Variants in ILRUN observed in about 807,000 individuals in gnomAD.
ILRUN encodes inflammation and lipid regulator with UBA-like and NBR1-like domains.
Under a neutral mutation model 33.8 loss-of-function variants are expected in ILRUN, and 3 were observed. The ratio of observed to expected loss-of-function variants is 0.09; its 90% CI spans 0.04 to 0.23. The LOEUF (loss-of-function observed/expected upper bound fraction) is 0.23. Among genes scored for constraint, ILRUN ranks in the 10% least tolerant of loss-of-function variants. The pLI is 1.00. For missense variants in ILRUN, 210 were observed against 375.1 expected (o/e 0.56, Z 3.64); for synonymous variants, 124 against 138.9 (o/e 0.89, Z 0.75).
chr6:34,651,115 C>T (rs886473055), intron 2 of ILRUN, among the ~76,000 whole-genome samples: 1 of 152,104 alleles, frequency 6.6e-6, no homozygotes, highest in Non-Finnish European at 1.5e-5. Context: ...TACTCAGTAA[C>T]GGGTGGCCAG....
chr6:34,641,827 A>C (rs1762480486), intron 3 of ILRUN, among the ~76,000 whole-genome samples: 1 of 152,212 alleles, frequency 6.6e-6, no homozygotes, highest in Non-Finnish European at 1.5e-5. Flanking sequence ...AAGCATCTTC[A>C]AAAAGTTCAT....
chr6:34,683,129 TATAC>T (rs1357679844), intron 1 of ILRUN, among the ~76,000 whole-genome samples: 2 of 148,538 alleles, frequency 1.3e-5, no homozygotes, highest in Non-Finnish European at 3.0e-5. Flanking sequence ...AAAATATATA[TATAC>T]ACACACACAC....
intron 1 of ILRUN, among the ~76,000 whole-genome samples, chr6:34,669,543 A>G (rs1763074437): frequency 6.6e-6 from 1 of 152,202 alleles, no homozygotes; most frequent in Non-Finnish European, 1.5e-5. Flanking sequence ...CACAACTTGT[A>G]CATTGGTCTC....
At position 34,587,925 on chromosome 6, in the gene ILRUN, A is replaced by T. The variant is rs994429767; in HGVS notation, c.*2640T>A. The T allele has an allele frequency of 2.3e-5, 9 of 397,158 alleles. No homozygotes were observed. The highest frequency in any genetic ancestry group is 3.5e-5 in the Non-Finnish European group (8 of 225,810). The allele number at this position is 397,158 out of a possible 1,614,324, so 24.6% of individuals were successfully genotyped here. On this transcript the variant is annotated 3_prime_UTR_variant, in exon 5 of 5. Transcript: ENST00000374023. Reference sequence around the variant, plus strand: ...GTGTCTGCCTCACCTCCTGGGTGCCAGACGCAGGTGGTCCTGCCCAGAGGT... The same window carrying T: ...GTGTCTGCCTCACCTCCTGGGTGCCTGACGCAGGTGGTCCTGCCCAGAGGT...
intron 1 of ILRUN, among the ~76,000 whole-genome samples, 177 bp from the exon 2 acceptor site, chr6:34,654,956 A>G (rs955429799): frequency 1.7e-4 from 26 of 152,202 alleles, no homozygotes; most frequent in African/African-American, 5.3e-4. Flanking sequence ...CACCAGGACC[A>G]ACAAATTTGT....
chr6:34,616,373 GCAGT>G (rs1017289172), intron 3 of ILRUN, among the ~76,000 whole-genome samples: 9 of 152,200 alleles, frequency 5.9e-5, no homozygotes, highest in African/African-American at 2.2e-4. Context: ...GGGTCTGGCT[GCAGT>G]CAGCTGCTGA....
chr6:34,688,546 C>T (rs1382092618), intron 1 of ILRUN, among the ~76,000 whole-genome samples: 1 of 152,132 alleles, frequency 6.6e-6, no homozygotes, highest in East Asian at 1.9e-4. Context: ...GGCACAGTGG[C>T]TCATGCCTGT....
intron 3 of ILRUN, among the ~76,000 whole-genome samples, chr6:34,625,846 C>CTTTT (rs58219612): frequency 1.2e-4 from 14 of 114,238 alleles, no homozygotes; most frequent in South Asian, 2.7e-4. Flanking sequence ...TATTGAAAGG[C>CTTTT]TTTTTTTTTT....
At position 34,678,836 on chromosome 6, in the gene ILRUN, CAAAAAAA is replaced by C. The variant is rs767799882; in HGVS notation, c.158+17603_158+17609del. The stretch of plus-strand genomic sequence containing the variant: ...CGCCACTGTACTCCAGACTCCGTCT[CAAAAAAA>C]AAAAAAAAAAAAAAAAGAAAGAAAG... On this transcript the variant is annotated intron_variant, in intron 1 of 4. Coordinates refer to ENST00000374023, the MANE Select transcript of ILRUN (RefSeq NM_024294.4). Among the ~76,000 whole-genome samples the C allele has an allele frequency of 7.9e-4, 38 of 47,880 alleles. No homozygotes were observed. In the East Asian group the frequency reaches 0.018, roughly 23 times the overall value. 31.4% of individuals were successfully genotyped at this position (47,880 alleles called of 152,430 possible).
At chr6:34,658,309 A>G (rs2127368383) in intron 1 of ILRUN, among the ~76,000 whole-genome samples, 1 of 150,730 alleles carries the variant, frequency 6.6e-6, no homozygotes, top group East Asian at 2.0e-4. Context: ...GTGCCACTGC[A>G]CTCACTCTGA....
chr6:34,656,354 G>C (rs1323590804), intron 1 of ILRUN, among the ~76,000 whole-genome samples: 5 of 151,876 alleles, frequency 3.3e-5, no homozygotes, highest in African/African-American at 1.2e-4. Flanking sequence ...GAACTACGAA[G>C]CACCTAAGCC....
At chr6:34,630,625 G>A (rs1021971929) in intron 3 of ILRUN, among the ~76,000 whole-genome samples, 4 of 152,070 alleles carry the variant, frequency 2.6e-5, no homozygotes, top group East Asian at 3.8e-4. Context: ...CTCGTGATCC[G>A]CCCGCCTTGG....
At chr6:34,616,028 T>C (rs968519899) in intron 3 of ILRUN, among the ~76,000 whole-genome samples, 1 of 152,220 alleles carries the variant, frequency 6.6e-6, no homozygotes, top group Non-Finnish European at 1.5e-5. Context: ...CACTTGGTTC[T>C]GGGCTTCCCA....
At position 34,665,140 on chromosome 6, in the gene ILRUN, CT is replaced by C. The variant is rs752441367; in HGVS notation, c.159-10362del. Among the ~76,000 whole-genome samples, 815 of 141,070 alleles carry C rather than the reference CT, an allele frequency of 5.8e-3. 6 individuals are homozygous for C. The highest frequency in any genetic ancestry group is 0.015 in the African/African-American group (596 of 38,636). 92.5% of individuals were successfully genotyped at this position (141,070 alleles called of 152,430 possible). On this transcript the variant is annotated intron_variant, in intron 1 of 4. Transcript: ENST00000374023. Reference sequence around the variant, plus strand: ...CACCACAACATCTGGCTCATCTTATCTTTTTTTTTTTTTGGTAGAGATGGGG... The same window carrying C: ...CACCACAACATCTGGCTCATCTTATCTTTTTTTTTTTTGGTAGAGATGGGG...
At chr6:34,691,701 C>T (rs543562971) in intron 1 of ILRUN, among the ~76,000 whole-genome samples, 1 of 152,114 alleles carries the variant, frequency 6.6e-6, no homozygotes, top group East Asian at 1.9e-4. Context: ...GAGGCTGAGG[C>T]AGGAGAATCT....
intron 1 of ILRUN, among the ~76,000 whole-genome samples, chr6:34,666,788 T>C (rs1025142157): frequency 6.6e-6 from 1 of 152,140 alleles, no homozygotes; most frequent in Non-Finnish European, 1.5e-5. Flanking sequence ...AAAGAATATA[T>C]CCTGTAAAAG....
At chr6:34,672,373 G>A (rs986633843) in intron 1 of ILRUN, among the ~76,000 whole-genome samples, 1 of 152,040 alleles carries the variant, frequency 6.6e-6, no homozygotes, top group African/African-American at 2.4e-5. Context: ...ACAGGTGTGA[G>A]CCACTGTGCC....
chr6:34,627,104 T>C (rs974950443), intron 3 of ILRUN, among the ~76,000 whole-genome samples: 1 of 152,302 alleles, frequency 6.6e-6, no homozygotes, highest in Admixed American at 6.5e-5. Flanking sequence ...CCACTGATGC[T>C]TTTACTGTCT....
At chr6:34,631,414 G>A (rs1241626596) in intron 3 of ILRUN, among the ~76,000 whole-genome samples, 52 of 151,138 alleles carry the variant, frequency 3.4e-4, no homozygotes, top group East Asian at 1.6e-3. Context: ...CGCAACCTCC[G>A]CCTCCTGGGT....
Sources: allele counts gnomAD v4.1 joint callset (sites outside exome capture counted in the v4.1 genomes callset), GRCh38; gene constraint gnomAD v4.1.1; transcripts MANE v1.5; gene names NCBI Gene and HGNC (gene_info 2026-07-23, HGNC 2026-07-21).